The following SEC16A variants were observed in gnomAD, a reference collection of about 807,000 sequenced individuals.
The protein encoded by SEC16A is protein transport protein Sec16A.
Under a neutral mutation model 221.9 loss-of-function variants are expected in SEC16A, and 110 were observed. That is an observed-to-expected ratio of 0.50 (90% CI 0.42 to 0.58). SEC16A has a LOEUF of 0.58. SEC16A is among the 20% of genes least tolerant of loss of function. The pLI, the probability that SEC16A is intolerant of heterozygous loss-of-function variation, is 0.00. For synonymous variants in SEC16A, 1,393 were observed against 1,257.7 expected (o/e 1.11, Z -2.28); for missense variants, 3,165 against 3,097.8 (o/e 1.02, Z -0.52).
Position 136,459,673 on chromosome 9 carries a change from G to A in SEC16A, c.5191+84C>T. 4.3e-6 allele frequency: 6 copies of A among 1,388,458 alleles called. No homozygotes were observed. Among genetic ancestry groups the A allele is most frequent in the Non-Finnish European group, 6.0e-6 (6 of 1,003,184 alleles). 86.0% of individuals were successfully genotyped at this position (1,388,458 alleles called of 1,614,324 possible). A position where few individuals can be genotyped will look rare whatever the true frequency, so the allele number is the denominator to read the frequency against. On this transcript the variant is annotated intron_variant, in intron 15 of 31. Transcript: ENST00000684901. The surrounding 1 kb of genome is among the most constrained non-coding windows in gnomAD (Gnocchi z 6.1). ...AGCCGGACCGAGAAGGCCGGGTTCTGGTGATTTCTGCCAACGCCACAGACA... is the reference window on the plus strand; with the variant it reads ...AGCCGGACCGAGAAGGCCGGGTTCTAGTGATTTCTGCCAACGCCACAGACA...
In SEC16A at chr9:136,441,065, C is replaced by A. The variant is rs1387765007; in HGVS notation, c.*690G>T. 2 of 152,432 alleles carry A rather than the reference C, an allele frequency of 1.3e-5. No individual in the cohort carries two copies. The highest frequency in any genetic ancestry group is 2.9e-5 in the Non-Finnish European group (2 of 68,148). The allele number at this position is 152,432 out of a possible 1,614,324, so 9.4% of individuals were successfully genotyped here. ...CAGCGCTTTGGGTACACAAAATCAC[C>A]CATGGTCCTCATCAGGCCACAGAAA... On this transcript the variant is annotated 3_prime_UTR_variant, in exon 32 of 32. Transcript: ENST00000684901.
At chr9:136,484,312 T>G (rs1055960578), upstream of SEC16A, 1 of 1,086,880 alleles carries the variant, frequency 9.2e-7, no homozygotes, top group African/African-American at 1.7e-5. Flanking sequence ...TAGGCGCTCC[T>G]GTGCCTGCCA....
At chr9:136,452,122 C>A (rs1246551984) in intron 22 of SEC16A, among the ~76,000 whole-genome samples, 2 of 151,982 alleles carry the variant, frequency 1.3e-5, no homozygotes, top group East Asian at 3.9e-4. Flanking sequence ...CTTGTGAGAT[C>A]AAAAAATTAG....
At chr9:136,445,792 A>G in intron 28 of SEC16A, 73 bp from the exon 29 acceptor site, 2 of 1,307,898 alleles carry the variant, frequency 1.5e-6, no homozygotes, top group South Asian at 1.3e-5. Flanking sequence ...GCCAAAAAAT[A>G]TGAAACTGTT....
chr9:136,461,343 C>T (rs1764156428), intron 12 of SEC16A, 69 bp from the exon 13 acceptor site: 1 of 1,123,086 alleles, frequency 8.9e-7, no homozygotes, highest in East Asian at 2.6e-5. Context: ...TCAAGACAGG[C>T]CATGTGTCCT....
chr9:136,443,264 G>A (rs1836461871), intron 31 of SEC16A, among the ~76,000 whole-genome samples: 1 of 151,866 alleles, frequency 6.6e-6, no homozygotes, highest in Non-Finnish European at 1.5e-5. Flanking sequence ...CGGGCCTGGT[G>A]TCCACGCAGA....
Position 136,446,738 on chromosome 9 carries a change from C to T in SEC16A, c.6792+117G>A, listed in dbSNP as rs570637241. The stretch of plus-strand genomic sequence containing the variant: ...ATACATAAGTGTGAGGCGTTTAAGG[C>T]GGAACACTCTACGTACACATTGGAT... On this transcript the variant is annotated intron_variant, in intron 28 of 31. Coordinates refer to ENST00000684901, the MANE Select transcript of SEC16A (RefSeq NM_014866.2). 1.1e-4 allele frequency: 116 copies of T among 1,065,336 alleles called. No individual in the cohort carries two copies. The African/African-American group carries it at 1.4e-3, about 13-fold the overall frequency. 66.0% of individuals were successfully genotyped at this position (1,065,336 alleles called of 1,614,324 possible).
rs761577334 is a variant in SEC16A at position 136,476,551 on chromosome 9, G to A, written c.1065C>T (p.Ala355=). Residue 355 remains alanine, a synonymous_variant, in exon 3 of 32, where the codon GCC becomes GCT. Transcript: ENST00000684901. ...CTTCTAGCGGGGCACAGCCAGACCCGGCCCCAGCCCCCAGTGGGTGGTGCG... is the reference window on the plus strand; with the variant it reads ...CTTCTAGCGGGGCACAGCCAGACCCAGCCCCAGCCCCCAGTGGGTGGTGCG... ...NRTHHPLGAG[A]GSGCAPLEAD... is the part of the protein sequence containing the mutation. The A allele has an allele frequency of 1.6e-5, 25 of 1,610,762 alleles. No individual in the cohort carries two copies. Among genetic ancestry groups the A allele is most frequent in the Admixed American group, 8.3e-5 (5 of 59,890 alleles).
At chr9:136,480,658 G>A (rs964351156) in intron 1 of SEC16A, among the ~76,000 whole-genome samples, 2 of 152,172 alleles carry the variant, frequency 1.3e-5, no homozygotes, top group Non-Finnish European at 2.9e-5. Context: ...TTGGGAGGCC[G>A]AGGCGGGCAG....
intron 30 of SEC16A, among the ~76,000 whole-genome samples, chr9:136,444,559 T>C (rs1422842259): frequency 6.6e-6 from 1 of 152,138 alleles, no homozygotes; most frequent in Non-Finnish European, 1.5e-5. Context: ...TCAGGGTCGA[T>C]CCAGTTGCCC....
Position 136,472,108 on chromosome 9 carries a change from C to T in SEC16A, c.3571G>A (p.Val1191Ile). Residue 1191 changes from valine (V) to isoleucine (I), a missense_variant, in exon 4 of 32, where the codon GTC becomes ATC. Val to Ile is a conservative substitution (Grantham distance 29). Around this residue, in one of 3 missense-constraint regions of SEC16A, gnomAD observed 2,030 missense variants for 1,923.1 expected, o/e 1.06. Transcript: ENST00000684901. ...TATCGAGGCTCATAGAGGCTGTAGACATCCTGTGGGAGGAAGCATTTGGGC... is the reference window on the plus strand; with the variant it reads ...TATCGAGGCTCATAGAGGCTGTAGATATCCTGTGGGAGGAAGCATTTGGGC... ...PGAASLYYQD[V>I]YSLYEPRYRP... 1.9e-6 allele frequency: 3 copies of T among 1,613,664 alleles called. No individual in the cohort carries two copies. The highest frequency in any genetic ancestry group is 2.5e-6 in the Non-Finnish European group (3 of 1,179,868).
At chr9:136,468,549 C>T (rs751699904) in intron 4 of SEC16A, 37 bp from the exon 5 acceptor site, 1 of 1,323,456 alleles carries the variant, frequency 7.6e-7, no homozygotes, top group Non-Finnish European at 1.1e-6. Flanking sequence ...ACACAAATTA[C>T]CTATTTCTTA....
rs1837213560 is a variant in SEC16A at position 136,447,768 on chromosome 9, C to G, written c.6447+85G>C. The G allele has an allele frequency of 1.3e-6, 2 of 1,544,746 alleles. No individual in the cohort carries two copies. The highest frequency in any genetic ancestry group is 4.5e-5 in the East Asian group (2 of 44,334). On this transcript the variant is annotated intron_variant, in intron 25 of 31. Coordinates refer to ENST00000684901, the MANE Select transcript of SEC16A (RefSeq NM_014866.2). This position sits in a 1 kb window ranked among gnomAD's most constrained non-coding sequence, Gnocchi z 5.5. ...AGTCAGGAGGCTCCAAAAGGGGCAA[C>G]AGCCACCCAAATATCACAGGGCCAC...
chr9:136,465,428 G>C (rs910781306), intron 8 of SEC16A, among the ~76,000 whole-genome samples: 12 of 152,230 alleles, frequency 7.9e-5, no homozygotes, highest in Non-Finnish European at 1.2e-4. Context: ...TCCAGCCTGG[G>C]AGACAGAGTG....
In SEC16A at chr9:136,481,681, A is replaced by G. The variant is rs566386750; in HGVS notation, c.-192+1257T>C. 1.5e-4 allele frequency among the ~76,000 whole-genome samples: 23 copies of G among 152,248 alleles called. No homozygotes were observed. The South Asian group carries it at 3.7e-3, about 25-fold the overall frequency. On this transcript the variant is annotated intron_variant, in intron 1 of 31. Transcript: ENST00000684901. ...CTTCATATTTTAAGTGAGGAAAACAATAGTGTGCCAGGAAGCCCCTGAGTT... is the reference window on the plus strand; with the variant it reads ...CTTCATATTTTAAGTGAGGAAAACAGTAGTGTGCCAGGAAGCCCCTGAGTT...
chr9:136,442,043 T>C (rs1836261200), intron 31 of SEC16A, among the ~76,000 whole-genome samples: 1 of 152,178 alleles, frequency 6.6e-6, no homozygotes, highest in Non-Finnish European at 1.5e-5. Context: ...ACCATCAATG[T>C]TTACTGTGAG....
At position 136,460,233 on chromosome 9, in the gene SEC16A, T is replaced by G. The variant is rs575209212; in HGVS notation, c.4992-110A>C. 7 of 778,612 alleles carry G rather than the reference T, an allele frequency of 9.0e-6. No individual in the cohort carries two copies. In the African/African-American group the frequency reaches 1.2e-4, roughly 14 times the overall value. The allele number at this position is 778,612 out of a possible 1,614,324, so 48.2% of individuals were successfully genotyped here. On this transcript the variant is annotated intron_variant, in intron 13 of 31. Transcript: ENST00000684901. ...ATCCCAGCACTTTGGGAGGCCAAAG[T>G]GGGCGGATCACCTGAGGTCAGAAGT...
intron 5 of SEC16A, among the ~76,000 whole-genome samples, chr9:136,468,033 C>T (rs980316220): frequency 6.6e-6 from 1 of 152,242 alleles, no homozygotes. Flanking sequence ...GCGGGAAACA[C>T]GGCTGGTGGG....
At chr9:136,464,645 C>T in intron 8 of SEC16A, 83 bp from the exon 9 acceptor site, 1 of 1,232,334 alleles carries the variant, frequency 8.1e-7, no homozygotes, top group Non-Finnish European at 1.1e-6. Flanking sequence ...GCTCACACAG[C>T]TTAAATCACA....
Sources: gnomAD v4.1 joint callset for allele counts (sites outside exome capture counted in the v4.1 genomes callset) on GRCh38, gnomAD v4.1.1 for gene constraint, gnomAD v4.1.1 regional missense constraint, Gnocchi (gnomAD v3.1) non-coding constraint, MANE v1.5 for transcripts, NCBI Gene and HGNC (gene_info 2026-07-23, HGNC 2026-07-21) for gene names.